The following PYGL variants were observed in gnomAD, a reference collection of about 807,000 sequenced individuals.
PYGL encodes the protein glycogen phosphorylase L, also known as glycogen phosphorylase, liver form.
A neutral mutation model predicts 100.1 loss-of-function variants in PYGL; 90 were observed. The observed-to-expected ratio is 0.90, with a 90% confidence interval of 0.76 to 1.07. The LOEUF (loss-of-function observed/expected upper bound fraction) is 1.07, where lower values mean the gene tolerates loss of function less well. Ranked by LOEUF, PYGL falls within the 50% of genes least tolerant of loss-of-function variation. The probability of loss-of-function intolerance (pLI) is 0.00; values close to 1 mark genes in which losing one functional copy is unlikely to be tolerated. For missense variants in PYGL, 1,016 were observed against 1,057.6 expected (o/e 0.96, Z 0.55); for synonymous variants, 373 against 393.0 (o/e 0.95, Z 0.60).
chr14:50,913,474 C>A (rs758781304), intron 12 of PYGL: 17 of 155,568 alleles, frequency 1.1e-4, no homozygotes, highest in Non-Finnish European at 2.0e-4. Flanking sequence ...TGGGTTCATG[C>A]CATTCTCCTG....
intron 2 of PYGL, 44 bp from the exon 3 acceptor site, chr14:50,935,229 A>G (rs780850399): frequency 5.3e-6 from 8 of 1,516,556 alleles, no homozygotes; most frequent in Non-Finnish European, 7.3e-6. Flanking sequence ...ATAAAAATTC[A>G]GGCCATTCAG....
At chr14:50,931,630 A>C in intron 4 of PYGL, 43 bp downstream of exon 4, 1 of 1,505,324 alleles carries the variant, frequency 6.6e-7, no homozygotes, top group South Asian at 1.1e-5. Context: ...ACCATGAAAG[A>C]GAAGTACCTT....
intron 4 of PYGL, among the ~76,000 whole-genome samples, chr14:50,926,050 G>GT (rs1489149292): frequency 6.6e-6 from 1 of 152,070 alleles, no homozygotes; most frequent in Non-Finnish European, 1.5e-5. Context: ...ACTGTAATCT[G>GT]TAATTCAGAA....
intron 17 of PYGL, 98 bp from the exon 18 acceptor site, chr14:50,909,053 A>G (rs754712181): frequency 4.9e-5 from 65 of 1,334,266 alleles, no homozygotes; most frequent in Non-Finnish European, 6.7e-5. Flanking sequence ...GAAAAAATAC[A>G]TTCAGAAATA....
At chr14:50,917,770 G>T (rs943502617) in intron 7 of PYGL, among the ~76,000 whole-genome samples, 3 of 152,248 alleles carry the variant, frequency 2.0e-5, no homozygotes, top group African/African-American at 7.2e-5. Context: ...ATGGTGGCCA[G>T]CTTCCAAGTT....
chr14:50,943,412 G>A (rs1048297748), intron 1 of PYGL, among the ~76,000 whole-genome samples: 8 of 152,250 alleles, frequency 5.3e-5, no homozygotes, highest in Non-Finnish European at 7.3e-5. Flanking sequence ...GTGGATGGAG[G>A]TGGTCCCTGA....
intron 7 of PYGL, among the ~76,000 whole-genome samples, chr14:50,918,184 G>A (rs557819468): frequency 6.6e-6 from 1 of 151,690 alleles, no homozygotes; most frequent in Non-Finnish European, 1.5e-5. Context: ...AAAAACAATA[G>A]GTGTTGGCAT....
intron 3 of PYGL, among the ~76,000 whole-genome samples, chr14:50,932,132 G>T (rs957801973): frequency 6.6e-6 from 1 of 152,120 alleles, no homozygotes; most frequent in African/African-American, 2.4e-5. Context: ...CCTTTTCTAA[G>T]GGAAGCTGTC....
chr14:50,943,671 G>A (rs915011849), intron 1 of PYGL, among the ~76,000 whole-genome samples: 1 of 152,212 alleles, frequency 6.6e-6, no homozygotes, highest in Non-Finnish European at 1.5e-5. Context: ...TGAGACTTAC[G>A]ACCTTTTCCC....
chr14:50,935,850 A>G (rs553826598), intron 2 of PYGL, among the ~76,000 whole-genome samples: 1 of 152,360 alleles, frequency 6.6e-6, no homozygotes, highest in East Asian at 1.9e-4. Context: ...TCCTGACAGC[A>G]GGCAGGGAAA....
In PYGL at chr14:50,915,344, C is replaced by T. The variant is rs1019396819; in HGVS notation, c.1395G>A (p.Lys465=). Residue 465 remains lysine (K), a synonymous_variant, in exon 11 of 20, where the codon AAG becomes AAA. Transcript: ENST00000216392. ...GVAKIHSDIV[K]TKVFKDFSEL... ...GAGTAATGGAGGCTCACACTTTAGT[C>T]TTCACGATGTCTGAGTGGATTTTAG... 3 of 1,614,032 alleles carry T rather than the reference C, an allele frequency of 1.9e-6. No homozygotes were observed. The African/African-American group carries it at 4.0e-5, about 22-fold the overall frequency.
Position 50,931,699 on chromosome 14 carries a change from T to C in PYGL, c.502A>G (p.Asn168Asp). ...YGIRYEYGIF[N>D]QKIRDGWQVE... ...TGCCATCCATCTCGGATCTTCTGAT[T>C]GAAAATCCCATATTCATACCGAATG... The change falls in exon 4 of 20, where the codon AAT becomes GAT. Residue 168 changes from asparagine (N) to aspartate (D), a missense_variant. Asn to Asp is a conservative substitution (Grantham distance 23). Coordinates refer to ENST00000216392, the MANE Select transcript of PYGL (RefSeq NM_002863.5). 1.2e-6 allele frequency: 2 copies of C among 1,613,914 alleles called. No homozygotes were observed. Among genetic ancestry groups the C allele is most frequent in the Non-Finnish European group, 1.7e-6 (2 of 1,179,840 alleles).
intron 7 of PYGL, among the ~76,000 whole-genome samples, chr14:50,919,486 C>T (rs1039926526): frequency 2.0e-5 from 3 of 152,186 alleles, no homozygotes; most frequent in Non-Finnish European, 4.4e-5. Context: ...CTAGTCCCCC[C>T]AAGATCCTTG....
chr14:50,920,600 C>G lies in PYGL; in HGVS notation c.796G>C (p.Ala266Pro). The change falls in exon 7 of 20, where the codon GCT becomes CCT. Residue 266 changes from alanine to proline, a missense_variant. Transcript: ENST00000216392. ...RDFNVGDYIQ[A>P]VLDRNLAENI... is the part of the protein sequence containing the mutation. ...TCGGCCAGGTTTCGGTCCAGCACAG[C>G]CTGAATGTAGTCTCCAACATTAACT... 6.2e-7 allele frequency: 1 copy of G among 1,612,440 alleles called. No homozygotes were observed. Among genetic ancestry groups the G allele is most frequent in the Non-Finnish European group, 8.5e-7 (1 of 1,178,538 alleles).
intron 2 of PYGL, 66 bp from the exon 3 acceptor site, chr14:50,935,251 T>A: frequency 7.9e-7 from 1 of 1,264,040 alleles, no homozygotes; most frequent in Non-Finnish European, 1.2e-6. Context: ...GGGACAGCCA[T>A]TTCCTACAGC....
At chr14:50,917,648 G>A (rs535212724) in intron 7 of PYGL, among the ~76,000 whole-genome samples, 10 of 152,172 alleles carry the variant, frequency 6.6e-5, no homozygotes, top group African/African-American at 2.4e-4. Flanking sequence ...AGGAAGCACT[G>A]GCAGCCATGG....
At chr14:50,936,768 G>T (rs546933945) in intron 2 of PYGL, among the ~76,000 whole-genome samples, 1 of 151,026 alleles carries the variant, frequency 6.6e-6, no homozygotes, top group South Asian at 2.1e-4. Context: ...TCCAGCCTGC[G>T]TAACAGGACG....
chr14:50,909,474 A>G (rs2050370148), intron 17 of PYGL, among the ~76,000 whole-genome samples: 1 of 152,192 alleles, frequency 6.6e-6, no homozygotes, highest in Non-Finnish European at 1.5e-5. Context: ...AATGTTTCCA[A>G]TTACTTCTGT....
chr14:50,937,765 G>T lies in PYGL; in HGVS notation c.316C>A (p.Gln106Lys). The change falls in exon 2 of 20, where the codon CAA becomes AAA. Residue 106 changes from glutamine (Q) to lysine (K), a missense_variant. Gln to Lys is a moderately conservative substitution (Grantham distance 53, BLOSUM62 1). Coordinates refer to ENST00000216392, the MANE Select transcript of PYGL (RefSeq NM_002863.5). ...LQNTMINLGLQNACDEAIYQL... is the reference protein window; with the variant it reads ...LQNTMINLGLKNACDEAIYQL... ...TAAATGGCCTCATCACAGGCATTTTGCAGACCGAGGTTGATCATGGTGTTC... is the reference window on the plus strand; with the variant it reads ...TAAATGGCCTCATCACAGGCATTTTTCAGACCGAGGTTGATCATGGTGTTC... The T allele has an allele frequency of 6.2e-7, 1 of 1,614,062 alleles. No homozygotes were observed. The highest frequency in any genetic ancestry group is 8.5e-7 in the Non-Finnish European group (1 of 1,179,916).
Sources: allele counts gnomAD v4.1 joint callset (sites outside exome capture counted in the v4.1 genomes callset), GRCh38; gene constraint gnomAD v4.1.1; transcripts MANE v1.5; gene names NCBI Gene and HGNC (gene_info 2026-07-23, HGNC 2026-07-21).